FAM135B: variants seen among roughly 807,000 people sequenced by gnomAD.
The protein encoded by FAM135B is family with sequence similarity 135 member B, also known as protein FAM135B.
A neutral mutation model predicts 127.7 loss-of-function variants in FAM135B; 43 were observed. That is an observed-to-expected ratio of 0.34 (90% CI 0.26 to 0.43). The LOEUF is 0.43. Among genes scored for constraint, FAM135B ranks in the 20% least tolerant of loss-of-function variants. The pLI is 1.00. For synonymous variants in FAM135B, 670 were observed against 665.1 expected (o/e 1.01, Z -0.11); for missense variants, 1,558 against 1,725.6 (o/e 0.90, Z 1.72).
intron 2 of FAM135B, among the ~76,000 whole-genome samples, chr8:138,332,744 C>G (rs1409843783): frequency 6.6e-6 from 1 of 152,046 alleles, no homozygotes; most frequent in Admixed American, 6.6e-5. Flanking sequence ...AACTCTAAAC[C>G]ATTTTGACAT....
At chr8:138,208,888 CTCAT>C (rs2129798602) in intron 7 of FAM135B, among the ~76,000 whole-genome samples, 1 of 152,174 alleles carries the variant, frequency 6.6e-6, no homozygotes, top group Admixed American at 6.5e-5. Flanking sequence ...AAAAAAAAAT[CTCAT>C]TATTAGTTAG....
chr8:138,415,111 C>T (rs1342504891), intron 1 of FAM135B, among the ~76,000 whole-genome samples: 1 of 152,322 alleles, frequency 6.6e-6, no homozygotes, highest in East Asian at 1.9e-4. Context: ...ATGCTCAATT[C>T]TCAACTCCAA....
rs529089550 is a variant in FAM135B at position 138,311,054 on chromosome 8, T to C, written c.78-134A>G. On this transcript the variant is annotated intron_variant, in intron 2 of 19. Transcript: ENST00000395297. ...TGGCAGCATGCACAATCATCTGGCA[T>C]CAATGAGAAATGCATTTTATCAGCA... 3 of 647,490 alleles carry C rather than the reference T, an allele frequency of 4.6e-6. No homozygotes were observed. The East Asian group carries it at 8.3e-5, about 18-fold the overall frequency. 40.1% of individuals were successfully genotyped at this position (647,490 alleles called of 1,614,324 possible). A position where few individuals can be genotyped will look rare whatever the true frequency, so the allele number is the denominator to read the frequency against.
chr8:138,204,498 G>GTGAA (rs939978605), intron 7 of FAM135B, among the ~76,000 whole-genome samples: 16 of 152,282 alleles, frequency 1.1e-4, no homozygotes, highest in East Asian at 3.9e-4. Flanking sequence ...CAGAGAAAGA[G>GTGAA]TGAATGAATG....
intron 1 of FAM135B, among the ~76,000 whole-genome samples, chr8:138,380,669 C>T (rs1381241768): frequency 2.6e-5 from 4 of 151,734 alleles, no homozygotes; most frequent in East Asian, 1.9e-4. Flanking sequence ...ATTTGTAGCC[C>T]GTTGATCTTT....
chr8:138,205,914 G>A (rs1029917340), intron 7 of FAM135B, among the ~76,000 whole-genome samples: 4 of 151,814 alleles, frequency 2.6e-5, no homozygotes, highest in Admixed American at 6.6e-5. Flanking sequence ...CCAGGTATCT[G>A]TTCCATTATG....
chr8:138,243,190 AC>A lies in FAM135B; in HGVS notation c.543-123del, dbSNP rs535818022. 4,458 of 1,169,376 alleles carry A rather than the reference AC, an allele frequency of 3.8e-3. 17 individuals are homozygous for A. The highest frequency in any genetic ancestry group is 4.6e-3 in the Non-Finnish European group (3,933 of 853,730). 72.4% of individuals were successfully genotyped at this position (1,169,376 alleles called of 1,614,324 possible). A position where few individuals can be genotyped will look rare whatever the true frequency, so the allele number is the denominator to read the frequency against. ...GGGATAAGTCATTTAGGAGTAGTTC[AC>A]CCCCTAGGGAGTGTTTGCATGTGAC... On this transcript the variant is annotated intron_variant, in intron 6 of 19. Transcript: ENST00000395297. The surrounding 1 kb of genome is among the most constrained non-coding windows in gnomAD (Gnocchi z 7.5).
At chr8:138,353,844 G>A (rs920000414) in intron 2 of FAM135B, among the ~76,000 whole-genome samples, 1 of 152,222 alleles carries the variant, frequency 6.6e-6, no homozygotes, top group Admixed American at 6.5e-5. Flanking sequence ...GTTATGAGCT[G>A]ATGAATCCCA....
intron 1 of FAM135B, among the ~76,000 whole-genome samples, chr8:138,372,329 C>T (rs188745965): frequency 3.2e-3 from 493 of 152,294 alleles, no homozygotes; most frequent in Non-Finnish European, 5.8e-3. Flanking sequence ...CAGTTTGCCC[C>T]TGGTGCACCA....
At chr8:138,372,521 C>G (rs1332430455) in intron 1 of FAM135B, among the ~76,000 whole-genome samples, 1 of 152,152 alleles carries the variant, frequency 6.6e-6, no homozygotes, top group Non-Finnish European at 1.5e-5. Flanking sequence ...ACGCCTGGGT[C>G]TCAATGGCCC....
At chr8:138,258,561 G>A (rs1822287058) in intron 4 of FAM135B, among the ~76,000 whole-genome samples, 1 of 152,104 alleles carries the variant, frequency 6.6e-6, no homozygotes, top group Middle Eastern at 3.2e-3. Flanking sequence ...GCACGCATAT[G>A]CCTGGGTAAT....
At chr8:138,251,232 C>T (rs180826246) in intron 5 of FAM135B, among the ~76,000 whole-genome samples, 2 of 152,302 alleles carry the variant, frequency 1.3e-5, no homozygotes, top group African/African-American at 4.8e-5. Context: ...ACAGCTGCTA[C>T]ACAACAGATC....
chr8:138,469,518 G>GA (rs756380290), intron 1 of FAM135B, among the ~76,000 whole-genome samples: 1 of 152,014 alleles, frequency 6.6e-6, no homozygotes, highest in African/African-American at 2.4e-5. Flanking sequence ...AAAGTAGGAA[G>GA]AAAAAAATCA....
intron 3 of FAM135B, among the ~76,000 whole-genome samples, chr8:138,283,605 G>A (rs912061396): frequency 1.3e-5 from 2 of 152,088 alleles, no homozygotes; most frequent in South Asian, 4.1e-4. Context: ...ATATAAACTT[G>A]GGACTTTGGG....
intron 2 of FAM135B, among the ~76,000 whole-genome samples, chr8:138,344,219 A>G (rs1829245568): frequency 6.6e-6 from 1 of 152,222 alleles, no homozygotes; most frequent in Admixed American, 6.5e-5. Context: ...GTGTCAAGGG[A>G]GAAGATACCA....
At chr8:138,181,367 T>C (rs1354617505) in intron 9 of FAM135B, among the ~76,000 whole-genome samples, 1 of 152,160 alleles carries the variant, frequency 6.6e-6, no homozygotes, top group Non-Finnish European at 1.5e-5. Context: ...TCTATATAGA[T>C]TCTTGAACCA....
chr8:138,443,174 G>T (rs926902986), intron 1 of FAM135B, among the ~76,000 whole-genome samples: 13 of 152,146 alleles, frequency 8.5e-5, no homozygotes, highest in African/African-American at 3.1e-4. Context: ...AAGCCTCGTT[G>T]CTCATCACAT....
chr8:138,291,168 T>C (rs931751583), intron 3 of FAM135B, among the ~76,000 whole-genome samples: 6 of 152,092 alleles, frequency 3.9e-5, no homozygotes, highest in Non-Finnish European at 7.4e-5. Context: ...AACAAACAGG[T>C]TGACTGAAAA....
At chr8:138,248,676 C>T (rs1821468293) in intron 6 of FAM135B, among the ~76,000 whole-genome samples, 1 of 151,704 alleles carries the variant, frequency 6.6e-6, no homozygotes, top group Admixed American at 6.6e-5. Context: ...AAAAATTAGC[C>T]AAGCATGACG....
Sources: allele counts gnomAD v4.1 joint callset (sites outside exome capture counted in the v4.1 genomes callset), GRCh38; gene constraint gnomAD v4.1.1; non-coding constraint Gnocchi (gnomAD v3.1); transcripts MANE v1.5; gene names NCBI Gene and HGNC (gene_info 2026-07-23, HGNC 2026-07-21).